The following KAT2B variants were observed in gnomAD, a reference collection of about 807,000 sequenced individuals.
KAT2B encodes the protein lysine acetyltransferase 2B, also known as histone acetyltransferase KAT2B.
KAT2B carries 36 observed loss-of-function variants against 105.9 expected under a neutral mutation model. The ratio of observed to expected loss-of-function variants is 0.34; its 90% CI spans 0.26 to 0.45. The LOEUF is 0.45. KAT2B is among the 20% of genes least tolerant of loss of function. The probability of loss-of-function intolerance (pLI) is 1.00; values close to 1 mark genes in which losing one functional copy is unlikely to be tolerated. For missense variants in KAT2B, 820 were observed against 1,021.6 expected (o/e 0.80, Z 2.69); for synonymous variants, 397 against 377.9 (o/e 1.05, Z -0.59).
intron 1 of KAT2B, among the ~76,000 whole-genome samples, chr3:20,068,295 C>G (rs1559516922): frequency 6.6e-6 from 1 of 151,674 alleles, no homozygotes; most frequent in Non-Finnish European, 1.5e-5. Flanking sequence ...TGTGCTTGAC[C>G]CTGTCTGGTT....
intron 1 of KAT2B, among the ~76,000 whole-genome samples, chr3:20,045,187 G>C (rs1163777946): frequency 4.0e-5 from 6 of 151,794 alleles, no homozygotes; most frequent in African/African-American, 9.7e-5. Context: ...GCTAATTTTT[G>C]TATTTTTTTT....
chr3:20,086,430 G>A (rs1038270047), intron 2 of KAT2B, among the ~76,000 whole-genome samples: 2 of 151,974 alleles, frequency 1.3e-5, no homozygotes, highest in Non-Finnish European at 2.9e-5. Flanking sequence ...GAAACTTTGC[G>A]CCAACGGAAA....
At chr3:20,102,484 A>G (rs141006551) in intron 5 of KAT2B, among the ~76,000 whole-genome samples, 74 of 152,280 alleles carry the variant, frequency 4.9e-4, no homozygotes, top group African/African-American at 1.4e-3. Flanking sequence ...TATCATATCA[A>G]ACATTTCACA....
chr3:20,112,813 A>T (rs11918156), intron 6 of KAT2B, among the ~76,000 whole-genome samples: 29,384 of 152,202 alleles, frequency 0.19, 2,944 homozygotes, highest in South Asian at 0.23. Flanking sequence ...TATTATTCAG[A>T]TAGTGTTATT....
chr3:20,049,152 G>A (rs752260838), intron 1 of KAT2B, among the ~76,000 whole-genome samples: 6 of 152,146 alleles, frequency 3.9e-5, no homozygotes, highest in Admixed American at 2.0e-4. Context: ...GAGCCACCGC[G>A]CCTGGCCGGG....
intron 10 of KAT2B, 64 bp from the exon 11 acceptor site, chr3:20,127,359 A>G (rs1699424394): frequency 6.9e-7 from 1 of 1,439,618 alleles, no homozygotes; most frequent in Admixed American, 1.8e-5. Context: ...AATAAGGAAC[A>G]CCCCAAAAAG....
At chr3:20,106,366 G>A (rs77295528) in intron 5 of KAT2B, among the ~76,000 whole-genome samples, 4 of 152,066 alleles carry the variant, frequency 2.6e-5, no homozygotes, top group African/African-American at 4.8e-5. Context: ...GCTCATGCAC[G>A]TCCGTTTCCT....
chr3:20,090,687 A>G (rs1352066692), intron 2 of KAT2B, among the ~76,000 whole-genome samples: 1 of 152,110 alleles, frequency 6.6e-6, no homozygotes, highest in African/African-American at 2.4e-5. Flanking sequence ...CTTTGGTATT[A>G]GTATAATGCT....
chr3:20,125,980 CA>C lies in KAT2B; in HGVS notation c.1490del (p.His497ProfsTer16), dbSNP rs1699395910. 2 of 1,613,864 alleles carry C rather than the reference CA, an allele frequency of 1.2e-6. No individual in the cohort carries two copies. The highest frequency in any genetic ancestry group is 1.7e-6 in the Non-Finnish European group (2 of 1,179,998). ...LEERRGVIEF[H>X]VVGNSLNQKP... is the part of the protein sequence containing the mutation. ...AGAGCGCAGGGGTGTAATTGAATTTCACGTGGTTGGCAATTCCCTCAACCAG... is the reference window on the plus strand; with the variant it reads ...AGAGCGCAGGGGTGTAATTGAATTTCCGTGGTTGGCAATTCCCTCAACCAG... On this transcript the variant is annotated frameshift_variant, in exon 10 of 18. Transcript: ENST00000263754. LOFTEE classifies it high-confidence loss of function.
chr3:20,040,538 G>A lies in KAT2B; in HGVS notation c.61G>A (p.Gly21Arg), dbSNP rs1051970586. ...CGGGGCAGGAGCCGGGGCAGGGGCC[G>A]GGCCCGGGGCGCTGCCCCCGCAGCC... is the stretch of plus-strand genomic sequence containing the variant. ...GCGAGAGAGA[G>R]PGALPPQPAA... is the part of the protein sequence containing the mutation. The change falls in exon 1 of 18, where the codon GGG becomes AGG. Residue 21 changes from glycine (G) to arginine (R), a missense_variant. This residue lies in a region of KAT2B where 190 missense variants were observed against 176.7 expected (regional missense o/e 1.08). Coordinates refer to ENST00000263754, the MANE Select transcript of KAT2B (RefSeq NM_003884.5). 2.0e-5 allele frequency: 20 copies of A among 1,021,742 alleles called. No individual in the cohort carries two copies. Among genetic ancestry groups the A allele is most frequent in the African/African-American group, 5.2e-5 (3 of 57,642 alleles). 63.3% of individuals were successfully genotyped at this position (1,021,742 alleles called of 1,614,324 possible).
intron 7 of KAT2B, among the ~76,000 whole-genome samples, chr3:20,118,283 A>C (rs1027440287): frequency 6.9e-6 from 1 of 145,510 alleles, no homozygotes; most frequent in African/African-American, 2.5e-5. Context: ...TTTATATATA[A>C]ATAAATAATT....
intron 6 of KAT2B, among the ~76,000 whole-genome samples, chr3:20,112,776 A>C (rs544232654): frequency 1.3e-5 from 2 of 152,302 alleles, no homozygotes; most frequent in South Asian, 4.1e-4. Context: ...TTGATGAAAC[A>C]CTGTTTTGTT....
At chr3:20,043,999 C>T (rs1697762710) in intron 1 of KAT2B, among the ~76,000 whole-genome samples, 1 of 150,122 alleles carries the variant, frequency 6.7e-6, no homozygotes, top group South Asian at 2.1e-4. Flanking sequence ...TTAAACTTCA[C>T]AAACGAAACC....
At chr3:20,142,265 C>A (rs970313602) in intron 13 of KAT2B, among the ~76,000 whole-genome samples, 2 of 152,140 alleles carry the variant, frequency 1.3e-5, no homozygotes, top group African/African-American at 4.8e-5. Flanking sequence ...CTCCTCTCCT[C>A]CCCCTCTGCC....
chr3:20,101,227 G>T, intron 4 of KAT2B, 60 bp from the exon 5 acceptor site: 1 of 1,345,368 alleles, frequency 7.4e-7, no homozygotes, highest in East Asian at 2.3e-5. Flanking sequence ...GGCTGTGTGG[G>T]TGTTCAGAAT....
intron 4 of KAT2B, among the ~76,000 whole-genome samples, chr3:20,100,385 G>A (rs1340982770): frequency 3.9e-5 from 6 of 152,160 alleles, no homozygotes; most frequent in Non-Finnish European, 8.8e-5. Context: ...AAAGAAATGA[G>A]ATTTTGTACC....
intron 11 of KAT2B, among the ~76,000 whole-genome samples, chr3:20,127,887 A>T (rs949172451): frequency 6.6e-6 from 1 of 152,214 alleles, no homozygotes; most frequent in Non-Finnish European, 1.5e-5. Flanking sequence ...TTGCACTCCT[A>T]TGAGAGTCTA....
chr3:20,054,499 G>A (rs1697971875), intron 1 of KAT2B, among the ~76,000 whole-genome samples: 3 of 152,168 alleles, frequency 2.0e-5, no homozygotes, highest in Admixed American at 1.3e-4. Context: ...CTAATATCAG[G>A]AGGAGGTTTA....
intron 1 of KAT2B, among the ~76,000 whole-genome samples, chr3:20,071,637 G>A (rs925363966): frequency 3.3e-5 from 5 of 152,170 alleles, no homozygotes; most frequent in African/African-American, 1.2e-4. Context: ...ACAAACATAG[G>A]GAAGTGTGAA....
Sources: allele counts gnomAD v4.1 joint callset (sites outside exome capture counted in the v4.1 genomes callset), GRCh38; gene constraint gnomAD v4.1.1; regional missense constraint gnomAD v4.1.1; transcripts MANE v1.5; gene names NCBI Gene and HGNC (gene_info 2026-07-23, HGNC 2026-07-21).